Variants in LSAMP observed in about 807,000 individuals in gnomAD.
LSAMP encodes limbic system associated membrane protein.
LSAMP carries 7 observed loss-of-function variants against 38.6 expected under a neutral mutation model. The observed-to-expected ratio is 0.18, with a 90% confidence interval of 0.10 to 0.34. The LOEUF (loss-of-function observed/expected upper bound fraction) is 0.34. LSAMP is among the 10% of genes least tolerant of loss of function. LSAMP has a pLI of 1.00. For synonymous variants in LSAMP, 154 were observed against 166.8 expected, an observed-to-expected ratio of 0.92 and a Z score of 0.59; for missense variants, 313 against 420.0, an observed-to-expected ratio of 0.75 and a Z score of 2.23.
At chr3:116,247,696 G>T (rs578079677) in intron 1 of LSAMP, among the ~76,000 whole-genome samples, 1 of 152,240 alleles carries the variant, frequency 6.6e-6, no homozygotes, top group Admixed American at 6.5e-5. Context: ...ACTGAATTTT[G>T]GCCTGGAACC....
chr3:115,840,839 A>G (rs1217732275), intron 6 of LSAMP, among the ~76,000 whole-genome samples: 4 of 152,176 alleles, frequency 2.6e-5, no homozygotes, highest in African/African-American at 9.7e-5. Context: ...TGCAGAAAAA[A>G]AAAACTTAGT....
intron 2 of LSAMP, among the ~76,000 whole-genome samples, chr3:116,029,523 T>C (rs892688097): frequency 2.0e-5 from 3 of 151,996 alleles, no homozygotes; most frequent in Non-Finnish European, 2.9e-5. Flanking sequence ...TAACTCAAGG[T>C]AAGAGAGATA....
At chr3:116,327,001 T>C (rs1029592278) in intron 1 of LSAMP, among the ~76,000 whole-genome samples, 1 of 152,170 alleles carries the variant, frequency 6.6e-6, no homozygotes, top group Non-Finnish European at 1.5e-5. Flanking sequence ...AGACCATAGC[T>C]GAGAGGAGCT....
intron 1 of LSAMP, among the ~76,000 whole-genome samples, chr3:116,407,670 G>GACTTCAT (rs2048914388): frequency 6.6e-6 from 1 of 152,008 alleles, no homozygotes; most frequent in Non-Finnish European, 1.5e-5. Context: ...TCATGACTAT[G>GACTTCAT]GTACATGATT....
chr3:115,863,281 C>T (rs76278813), intron 3 of LSAMP, among the ~76,000 whole-genome samples: 26 of 152,284 alleles, frequency 1.7e-4, no homozygotes, highest in Non-Finnish European at 3.8e-4. Context: ...CTCTCTTACC[C>T]TGAGGGGTGG....
At chr3:116,057,967 A>ACACACACCCACACC (rs1553699987) in intron 2 of LSAMP, among the ~76,000 whole-genome samples, 2 of 147,542 alleles carry the variant, frequency 1.4e-5, no homozygotes, top group Non-Finnish European at 3.0e-5. Context: ...CCACACACAC[A>ACACACACCCACACC]CACACACACA....
At chr3:116,343,133 T>A (rs1367851775) in intron 1 of LSAMP, among the ~76,000 whole-genome samples, 4 of 152,088 alleles carry the variant, frequency 2.6e-5, no homozygotes, top group African/African-American at 9.7e-5. Flanking sequence ...GCCTTGACCA[T>A]CCATCTCTGA....
intron 1 of LSAMP, among the ~76,000 whole-genome samples, chr3:116,241,256 C>G (rs913681036): frequency 2.0e-5 from 3 of 151,040 alleles, no homozygotes; most frequent in Non-Finnish European, 4.4e-5. Context: ...TGTAGACCAC[C>G]CTTTCTGTTA....
chr3:115,965,885 A>G (rs1037069343), intron 3 of LSAMP, among the ~76,000 whole-genome samples: 1 of 152,188 alleles, frequency 6.6e-6, no homozygotes, highest in Non-Finnish European at 1.5e-5. Context: ...GTAGAGAAAT[A>G]CAAATTATCT....
chr3:115,814,346 A>T (rs1318913517), intron 6 of LSAMP: 1 of 152,228 alleles, frequency 6.6e-6, no homozygotes, highest in Non-Finnish European at 1.5e-5. Flanking sequence ...CATAACAATG[A>T]AAGAGAATTT....
chr3:116,300,484 G>A (rs114535576), intron 1 of LSAMP, among the ~76,000 whole-genome samples: 7 of 152,248 alleles, frequency 4.6e-5, no homozygotes, highest in Non-Finnish European at 7.4e-5. Flanking sequence ...CCCCATACTG[G>A]TCTGTGCCCT....
chr3:115,957,694 G>C (rs1451059630), intron 3 of LSAMP, among the ~76,000 whole-genome samples: 2 of 152,152 alleles, frequency 1.3e-5, no homozygotes, highest in East Asian at 3.8e-4. Flanking sequence ...TGATTCTCTT[G>C]CTTCCATCTC....
intron 1 of LSAMP, among the ~76,000 whole-genome samples, chr3:116,240,345 A>T (rs879775567): frequency 2.0e-5 from 3 of 152,224 alleles, no homozygotes; most frequent in African/African-American, 7.2e-5. Context: ...CTTTGTGGTT[A>T]CAAAAATAAA....
intron 1 of LSAMP, among the ~76,000 whole-genome samples, chr3:116,407,650 G>A (rs72951927): frequency 1.2e-3 from 184 of 152,200 alleles, no homozygotes; most frequent in African/African-American, 4.2e-3. Context: ...TATTGTTCAT[G>A]TAGCAATCTT....
At chr3:116,355,638 A>G (rs965722629) in intron 1 of LSAMP, among the ~76,000 whole-genome samples, 1 of 152,162 alleles carries the variant, frequency 6.6e-6, no homozygotes, top group African/African-American at 2.4e-5. Context: ...CAATCCACAA[A>G]ATGAAGAGAA....
intron 3 of LSAMP, among the ~76,000 whole-genome samples, chr3:115,858,652 C>G (rs1368507191): frequency 1.3e-5 from 2 of 151,992 alleles, no homozygotes; most frequent in Non-Finnish European, 2.9e-5. Flanking sequence ...AACACACTAG[C>G]TATAAACACA....
intron 1 of LSAMP, among the ~76,000 whole-genome samples, chr3:116,207,964 G>T (rs1365109718): frequency 6.7e-6 from 1 of 148,672 alleles, no homozygotes; most frequent in Non-Finnish European, 1.5e-5. Flanking sequence ...CTAGATTGGG[G>T]AAGTTCTCCT....
chr3:115,949,882 A>T (rs1237651417), intron 3 of LSAMP, among the ~76,000 whole-genome samples: 1 of 152,198 alleles, frequency 6.6e-6, no homozygotes, highest in Non-Finnish European at 1.5e-5. Context: ...CAAAAAGATA[A>T]TACACCATGA....
intron 3 of LSAMP, among the ~76,000 whole-genome samples, chr3:116,008,801 C>T (rs1940241628): frequency 6.6e-6 from 1 of 152,040 alleles, no homozygotes; most frequent in Non-Finnish European, 1.5e-5. Context: ...AACTGCTATA[C>T]TTCGAATACT....
Sources: allele counts gnomAD v4.1 joint callset (sites outside exome capture counted in the v4.1 genomes callset), GRCh38; gene constraint gnomAD v4.1.1; transcripts MANE v1.5; gene names NCBI Gene and HGNC (gene_info 2026-07-23, HGNC 2026-07-21).